KCNQ1: variants seen among roughly 807,000 people sequenced by gnomAD.
KCNQ1 encodes potassium voltage-gated channel subfamily Q member 1.
KCNQ1 carries 49 observed loss-of-function variants against 72.4 expected under a neutral mutation model. That is an observed-to-expected ratio of 0.68 (90% confidence interval 0.54 to 0.86). The LOEUF is 0.86. Ranked by LOEUF, KCNQ1 falls within the 40% of genes least tolerant of loss-of-function variation. The pLI is 0.00. For synonymous variants in KCNQ1, 450 were observed against 412.6 expected (o/e 1.09, Z -1.10); for missense variants, 790 against 945.1 (o/e 0.84, Z 2.15).
In KCNQ1 at chr11:2,658,366, A is replaced by C; in HGVS notation, c.1394-3595A>C. Reference sequence around the variant, plus strand: ...ATTTTATCAGTGTGGATTTGGGAGTATTTATTTTTTGAGTTATAGTCCAAT... The same window carrying C: ...ATTTTATCAGTGTGGATTTGGGAGTCTTTATTTTTTGAGTTATAGTCCAAT... On this transcript the variant is annotated intron_variant, in intron 10 of 15. Coordinates refer to ENST00000155840, the MANE Select transcript of KCNQ1 (RefSeq NM_000218.3). The surrounding 1 kb of genome is among the most constrained non-coding windows in gnomAD (Gnocchi z 4.9). 2.5e-6 allele frequency: 1 copy of C among 398,396 alleles called. No homozygotes were observed. The highest frequency in any genetic ancestry group is 4.4e-6 in the Non-Finnish European group (1 of 225,988). 24.7% of individuals were successfully genotyped at this position (398,396 alleles called of 1,614,324 possible).
rs577247777 is a variant in KCNQ1 at position 2,543,418 on chromosome 11, C to T, written c.477+15400C>T. 7.9e-5 allele frequency among the ~76,000 whole-genome samples: 12 copies of T among 152,212 alleles called. No homozygotes were observed. Among genetic ancestry groups the T allele is most frequent in the Non-Finnish European group, 1.6e-4 (11 of 68,020 alleles). ...CCTCCCAAGTAGCTGGGACTATAGG[C>T]ATGTGCCACCACAGGTGCTAACTTT... is the stretch of plus-strand genomic sequence containing the variant. On this transcript the variant is annotated intron_variant, in intron 2 of 15. Transcript: ENST00000155840. This position sits in a 1 kb window ranked among gnomAD's most constrained non-coding sequence, Gnocchi z 5.6.
rs913078705 is a variant in KCNQ1 at position 2,495,631 on chromosome 11, A to G, written c.387-32297A>G. ...TTCAGTAGCAGGTTGTTCAATTTCCATGTATCTGTGTGGTTTTTAGTGAGT... is the reference window on the plus strand; with the variant it reads ...TTCAGTAGCAGGTTGTTCAATTTCCGTGTATCTGTGTGGTTTTTAGTGAGT... On this transcript the variant is annotated intron_variant, in intron 1 of 15. Transcript: ENST00000155840. This position sits in a 1 kb window ranked among gnomAD's most constrained non-coding sequence, Gnocchi z 4.6. Among the ~76,000 whole-genome samples the G allele has an allele frequency of 1.3e-5, 2 of 152,066 alleles. No homozygotes were observed. The highest frequency in any genetic ancestry group is 2.9e-5 in the Non-Finnish European group (2 of 68,024).
rs4255520 is a variant in KCNQ1 at position 2,764,393 on chromosome 11, A to G, written c.1515-4451A>G. On this transcript the variant is annotated intron_variant, in intron 11 of 15. Transcript: ENST00000155840. The surrounding 1 kb of genome is among the most constrained non-coding windows in gnomAD (Gnocchi z 4.8). The stretch of plus-strand genomic sequence containing the variant: ...GGGTAAACTCAGCATGCACAAGTGG[A>G]TTAAACCACATTCGAGCATGTGTTT... Among the ~76,000 whole-genome samples the G allele has an allele frequency of 0.16, 23,868 of 152,164 alleles. 1,949 individuals carry two copies. Among genetic ancestry groups the G allele is most frequent in the Middle Eastern group, 0.21 (61 of 294 alleles).
Position 2,848,360 on chromosome 11 carries a change from C to T in KCNQ1, c.*357C>T, listed in dbSNP as rs746858364. 1.9e-6 allele frequency: 1 copy of T among 537,268 alleles called. No homozygotes were observed. Among genetic ancestry groups the T allele is most frequent in the Middle Eastern group, 5.2e-4 (1 of 1,926 alleles). The allele number at this position is 537,268 out of a possible 1,614,324, so 33.3% of individuals were successfully genotyped here. ...AAGTAGCACAGGCTGAGTGCAGGCC[C>T]ACCCTGCTTGGCCCAGGGGGCTTCC... On this transcript the variant is annotated 3_prime_UTR_variant, in exon 16 of 16. Coordinates refer to ENST00000155840, the MANE Select transcript of KCNQ1 (RefSeq NM_000218.3).
At position 2,600,473 on chromosome 11, in the gene KCNQ1, T is replaced by C. The variant is rs1028217345; in HGVS notation, c.1393+11619T>C. On this transcript the variant is annotated intron_variant, in intron 10 of 15. Transcript: ENST00000155840. This position sits in a 1 kb window ranked among gnomAD's most constrained non-coding sequence, Gnocchi z 5.6. Reference sequence around the variant, plus strand: ...ATCATTTGAACCCCTTTCTCTACATTATATTCACATAACATGTTTTTCTGA... The same window carrying C: ...ATCATTTGAACCCCTTTCTCTACATCATATTCACATAACATGTTTTTCTGA... Among the ~76,000 whole-genome samples the C allele has an allele frequency of 3.9e-5, 6 of 152,246 alleles. No homozygotes were observed. Among genetic ancestry groups the C allele is most frequent in the Admixed American group, 1.3e-4 (2 of 15,288 alleles).
chr11:2,696,484 C>T (rs1386002068), intron 11 of KCNQ1: 1 of 398,506 alleles, frequency 2.5e-6, no homozygotes, highest in Non-Finnish European at 4.4e-6. Context: ...TGGCGTGTGC[C>T]CTGGTATCTG....
chr11:2,534,612 G>A (rs757484342), intron 2 of KCNQ1, among the ~76,000 whole-genome samples: 3 of 152,188 alleles, frequency 2.0e-5, no homozygotes, highest in Non-Finnish European at 2.9e-5. Context: ...GCCCAGGGAC[G>A]GGGGTACCCA....
intron 15 of KCNQ1, among the ~76,000 whole-genome samples, chr11:2,792,727 G>A (rs1277671987): frequency 6.6e-6 from 1 of 152,204 alleles, no homozygotes; most frequent in African/African-American, 2.4e-5. Context: ...GCCTGGGGGC[G>A]CAGACCACCC....
chr11:2,814,280 GGGATGGATGGATGGATGGATGGATAGAT>G (rs1377254575), intron 15 of KCNQ1, among the ~76,000 whole-genome samples: 4 of 138,236 alleles, frequency 2.9e-5, no homozygotes, highest in African/African-American at 1.3e-4. Context: ...GATGGATGGT[GGGATGGATGGATGGATGGATGGATAGAT>G]GGATGGATGG....
At position 2,666,154 on chromosome 11, in the gene KCNQ1, G is replaced by A. The variant is rs1041968503; in HGVS notation, c.1514+4073G>A. 7.7e-4 allele frequency: 305 copies of A among 398,594 alleles called. 2 individuals carry two copies. Among genetic ancestry groups the A allele is most frequent in the Middle Eastern group, 6.2e-4 (1 of 1,612 alleles). The allele number at this position is 398,594 out of a possible 1,614,324, so 24.7% of individuals were successfully genotyped here. On this transcript the variant is annotated intron_variant, in intron 11 of 15. Coordinates refer to ENST00000155840, the MANE Select transcript of KCNQ1 (RefSeq NM_000218.3). ...TCTTCTGTTTTGGCATCTTAGATGG[G>A]CAAGCCCCAGCTCGAGGTTAACAGA...
rs536335677 is a variant in KCNQ1 at position 2,768,196 on chromosome 11, C to A, written c.1515-648C>A. 1.3e-5 allele frequency among the ~76,000 whole-genome samples: 2 copies of A among 152,222 alleles called. No homozygotes were observed. Among genetic ancestry groups the A allele is most frequent in the African/African-American group, 4.8e-5 (2 of 41,460 alleles). Reference sequence around the variant, plus strand: ...AGGGAATCTCCTGTGGCCTCCATGGCGCTGTGTTTTCTTCCAGTCTTTTTT... The same window carrying A: ...AGGGAATCTCCTGTGGCCTCCATGGAGCTGTGTTTTCTTCCAGTCTTTTTT... On this transcript the variant is annotated intron_variant, in intron 11 of 15. Transcript: ENST00000155840. The surrounding 1 kb of genome is among the most constrained non-coding windows in gnomAD (Gnocchi z 6.7).
At chr11:2,681,451 T>A (rs1725997848) in intron 11 of KCNQ1, 1 of 398,584 alleles carries the variant, frequency 2.5e-6, no homozygotes, top group Non-Finnish European at 4.4e-6. Flanking sequence ...TGGGACCAGA[T>A]AACCTTAATG....
rs1849163835 is a variant in KCNQ1, at chr11:2,621,073, G to T, written c.1393+32219G>T. Reference sequence around the variant, plus strand: ...GCTCACTGCAACCTCCACCTCCTGGGTTCAAGCAATTCTCCTGTCTCAGAC... The same window carrying T: ...GCTCACTGCAACCTCCACCTCCTGGTTTCAAGCAATTCTCCTGTCTCAGAC... On this transcript the variant is annotated intron_variant, in intron 10 of 15. Transcript: ENST00000155840. The surrounding 1 kb of genome is among the most constrained non-coding windows in gnomAD (Gnocchi z 5.7). 2.5e-6 allele frequency: 1 copy of T among 397,036 alleles called. No homozygotes were observed. Among genetic ancestry groups the T allele is most frequent in the Non-Finnish European group, 4.4e-6 (1 of 225,792 alleles). 24.6% of individuals were successfully genotyped at this position (397,036 alleles called of 1,614,324 possible).
Position 2,848,192 on chromosome 11 carries a change from C to G in KCNQ1, c.*189C>G. ...ACTTGGGGGCTCAGCAAGGCCACCT[C>G]TTCCTGGCCGGTGTGGGGGCCCCGT... On this transcript the variant is annotated 3_prime_UTR_variant, in exon 16 of 16. Coordinates refer to ENST00000155840, the MANE Select transcript of KCNQ1 (RefSeq NM_000218.3). The G allele has an allele frequency of 1.4e-6, 1 of 692,946 alleles. No homozygotes were observed. Among genetic ancestry groups the G allele is most frequent in the South Asian group, 1.6e-5 (1 of 63,556 alleles). 42.9% of individuals were successfully genotyped at this position (692,946 alleles called of 1,614,324 possible). A position where few individuals can be genotyped will look rare whatever the true frequency, so the allele number is the denominator to read the frequency against.
intron 2 of KCNQ1, among the ~76,000 whole-genome samples, chr11:2,539,855 C>T (rs115252461): frequency 6.6e-5 from 10 of 152,282 alleles, no homozygotes; most frequent in South Asian, 2.1e-4. Flanking sequence ...GTGCCACGTT[C>T]GGTGGGGGTC....
chr11:2,538,311 C>T lies in KCNQ1; in HGVS notation c.477+10293C>T, dbSNP rs1477237224. Among the ~76,000 whole-genome samples, 2 of 152,234 alleles carry T rather than the reference C, an allele frequency of 1.3e-5. No individual in the cohort carries two copies. Among genetic ancestry groups the T allele is most frequent in the South Asian group, 2.1e-4 (1 of 4,824 alleles). Reference sequence around the variant, plus strand: ...GGTCTCTCTCTTGGGCAGGGAAGGGCGGTGGACATGGAGGCTTGGGGACAG... The same window carrying T: ...GGTCTCTCTCTTGGGCAGGGAAGGGTGGTGGACATGGAGGCTTGGGGACAG... On this transcript the variant is annotated intron_variant, in intron 2 of 15. Coordinates refer to ENST00000155840, the MANE Select transcript of KCNQ1 (RefSeq NM_000218.3). This position sits in a 1 kb window ranked among gnomAD's most constrained non-coding sequence, Gnocchi z 6.7.
Position 2,473,913 on chromosome 11 carries a change from A to G in KCNQ1, c.386+28429A>G, listed in dbSNP as rs987155903. Among the ~76,000 whole-genome samples the G allele has an allele frequency of 2.0e-5, 3 of 152,196 alleles. No homozygotes were observed. The highest frequency in any genetic ancestry group is 4.4e-5 in the Non-Finnish European group (3 of 68,012). The stretch of plus-strand genomic sequence containing the variant: ...GGGAGAGCCCTGCCTCCCGGAACGG[A>G]CATCCTCCTTCACCAAATCCGCAAA... On this transcript the variant is annotated intron_variant, in intron 1 of 15. Coordinates refer to ENST00000155840, the MANE Select transcript of KCNQ1 (RefSeq NM_000218.3). This position sits in a 1 kb window ranked among gnomAD's most constrained non-coding sequence, Gnocchi z 6.0.
At position 2,772,226 on chromosome 11, in the gene KCNQ1, C is replaced by T. The variant is rs1187303438; in HGVS notation, c.1590+3307C>T. ...TCCTCGACGCCTGCCTGTCTGCTTG[C>T]TTGCACCCCACCCCACCCCCGCTGG... On this transcript the variant is annotated intron_variant, in intron 12 of 15. Transcript: ENST00000155840. The surrounding 1 kb of genome is among the most constrained non-coding windows in gnomAD (Gnocchi z 6.6). Among the ~76,000 whole-genome samples, 1 of 151,910 alleles carries T rather than the reference C, an allele frequency of 6.6e-6. No homozygotes were observed. Among genetic ancestry groups the T allele is most frequent in the Non-Finnish European group, 1.5e-5 (1 of 67,944 alleles).
Position 2,627,147 on chromosome 11 carries a change from T to C in KCNQ1, c.1394-34814T>C, listed in dbSNP as rs1367178376. Reference sequence around the variant, plus strand: ...CAAGACTTTCACCTCCTTGGTAAAGTTGGTTCCTAAGTTTGTTATTCTTGA... The same window carrying C: ...CAAGACTTTCACCTCCTTGGTAAAGCTGGTTCCTAAGTTTGTTATTCTTGA... On this transcript the variant is annotated intron_variant, in intron 10 of 15. Transcript: ENST00000155840. This position sits in a 1 kb window ranked among gnomAD's most constrained non-coding sequence, Gnocchi z 4.9. 2 of 398,442 alleles carry C rather than the reference T, an allele frequency of 5.0e-6. No individual in the cohort carries two copies. The highest frequency in any genetic ancestry group is 4.1e-5 in the African/African-American group (2 of 48,632). The allele number at this position is 398,442 out of a possible 1,614,324, so 24.7% of individuals were successfully genotyped here.
Sources: allele counts gnomAD v4.1 joint callset (sites outside exome capture counted in the v4.1 genomes callset), GRCh38; gene constraint gnomAD v4.1.1; non-coding constraint Gnocchi (gnomAD v3.1); transcripts MANE v1.5; gene names NCBI Gene and HGNC (gene_info 2026-07-23, HGNC 2026-07-21).